The following SNX22 variants were observed in gnomAD, a reference collection of about 807,000 sequenced individuals.
The protein encoded by SNX22 is sorting nexin-22.
A neutral mutation model predicts 24.7 loss-of-function variants in SNX22; 23 were observed. The observed-to-expected ratio is 0.93, with a 90% confidence interval of 0.67 to 1.32. The LOEUF (loss-of-function observed/expected upper bound fraction) is 1.32, where lower values mean the gene tolerates loss of function less well. SNX22 is among the 40% of genes most tolerant of loss of function. SNX22 has a pLI of 0.00. For missense variants in SNX22, 261 were observed against 249.9 expected (o/e 1.04, Z -0.30); for synonymous variants, 99 against 104.0 (o/e 0.95, Z 0.29).
intron 2 of SNX22, 66 bp from the exon 3 acceptor site, chr15:64,152,572 C>A: frequency 6.7e-7 from 1 of 1,490,470 alleles, no homozygotes; most frequent in South Asian, 1.2e-5. Context: ...GGGCTTCTGG[C>A]TGGGGCGAAG....
chr15:64,152,356 C>A, intron 2 of SNX22, 30 bp downstream of exon 2: 1 of 1,493,120 alleles, frequency 6.7e-7, no homozygotes, highest in Non-Finnish European at 8.9e-7. Flanking sequence ...CCACCGGCCC[C>A]GGCCCAGCCT....
Position 64,154,507 on chromosome 15 carries a change from G to A in SNX22, c.581G>A (p.Ter194=). 4 of 1,614,128 alleles carry A rather than the reference G, an allele frequency of 2.5e-6. No individual in the cohort carries two copies. Among genetic ancestry groups the A allele is most frequent in the Non-Finnish European group, 3.4e-6 (4 of 1,180,020 alleles). The change falls in exon 7 of 7, where the codon TGA becomes TAA. Residue 194 remains the stop codon, a stop_retained_variant. Coordinates refer to ENST00000325881, the MANE Select transcript of SNX22 (RefSeq NM_024798.3). The stretch of plus-strand genomic sequence containing the variant: ...CCTGCTCCTCTGCCACCGATGCCCT[G>A]ATCAGTCCAGAGGCCTTTGGCTGCC... ...CHPAPLPPMP[*]
At chr15:64,153,603 C>T (rs1270585254) in intron 4 of SNX22, 49 bp from the exon 5 acceptor site, 15 of 1,612,588 alleles carry the variant, frequency 9.3e-6, no homozygotes, top group South Asian at 7.7e-5. Context: ...CCCTTCCTCA[C>T]GCTCCCCCGG....
chr15:64,154,124 C>G (rs149808143), intron 6 of SNX22, 122 bp downstream of exon 6: 9 of 1,604,860 alleles, frequency 5.6e-6, no homozygotes, highest in African/African-American at 2.7e-5. Flanking sequence ...CTACCTCCTG[C>G]TCCTGTCCCC....
Position 64,155,864 on chromosome 15 carries a change from T to G in SNX22, c.*1356T>G. ...ATTTTTTTTTATTGGTCAGTGTTGG[T>G]AGGAGTTTGTTACAAAAGTGAGTCC... On this transcript the variant is annotated 3_prime_UTR_variant, in exon 7 of 7. Coordinates refer to ENST00000325881, the MANE Select transcript of SNX22 (RefSeq NM_024798.3). 1.9e-6 allele frequency: 2 copies of G among 1,042,952 alleles called. No homozygotes were observed. Among genetic ancestry groups the G allele is most frequent in the Non-Finnish European group, 1.5e-6 (1 of 686,258 alleles). 64.6% of individuals were successfully genotyped at this position (1,042,952 alleles called of 1,614,324 possible).
In SNX22 at chr15:64,155,571, A is replaced by G. The variant is rs2081522733; in HGVS notation, c.*1063A>G. ...GTAGGCTATGAAAAAGTACAGATAC[A>G]TCCCTTAACATAGACTGGAGGGTGG... On this transcript the variant is annotated 3_prime_UTR_variant, in exon 7 of 7. Transcript: ENST00000325881. 5.1e-6 allele frequency: 1 copy of G among 194,642 alleles called. No individual in the cohort carries two copies. The highest frequency in any genetic ancestry group is 1.1e-5 in the Non-Finnish European group (1 of 93,614). 12.1% of individuals were successfully genotyped at this position (194,642 alleles called of 1,614,324 possible). A position where few individuals can be genotyped will look rare whatever the true frequency, so the allele number is the denominator to read the frequency against.
In SNX22 at chr15:64,154,764, G is replaced by A. The variant is rs978338886; in HGVS notation, c.*256G>A. ...TAATAAAAGAGGAAGTCAGCCAGGC[G>A]CGGTGGCTCATGCCTGTAATCCCAG... On this transcript the variant is annotated 3_prime_UTR_variant, in exon 7 of 7. Transcript: ENST00000325881. 2.8e-5 allele frequency: 10 copies of A among 363,486 alleles called. No homozygotes were observed. The highest frequency in any genetic ancestry group is 1.2e-4 in the Admixed American group (3 of 24,194). The allele number at this position is 363,486 out of a possible 1,614,324, so 22.5% of individuals were successfully genotyped here.
At chr15:64,152,134 C>T (rs2081490636) in intron 1 of SNX22, 109 bp from the exon 2 acceptor site, 5 of 1,134,612 alleles carry the variant, frequency 4.4e-6, no homozygotes, top group Non-Finnish European at 5.8e-6. Context: ...GCCGCAAGGC[C>T]GCTTTGTGCC....
At chr15:64,153,599 C>G in intron 4 of SNX22, 53 bp from the exon 5 acceptor site, 1 of 1,612,282 alleles carries the variant, frequency 6.2e-7, no homozygotes, top group Non-Finnish European at 8.5e-7. Context: ...CCACCCCTTC[C>G]TCACGCTCCC....
In SNX22 at chr15:64,152,751, G is replaced by C; in HGVS notation, c.264+9G>C. The stretch of plus-strand genomic sequence containing the variant: ...TGGAGGCTTACATCCAGGTATGCGA[G>C]AGCACAGTTGGTTGCCCCCCGGCCT... On this transcript the variant is annotated intron_variant, in intron 3 of 6. Transcript: ENST00000325881. 4 of 1,613,050 alleles carry C rather than the reference G, an allele frequency of 2.5e-6. No homozygotes were observed. Among genetic ancestry groups the C allele is most frequent in the Non-Finnish European group, 3.4e-6 (4 of 1,179,124 alleles).
At position 64,155,991 on chromosome 15, in the gene SNX22, G is replaced by C. The variant is rs1185135574; in HGVS notation, c.*1483G>C. 6.2e-7 allele frequency: 1 copy of C among 1,614,050 alleles called. No individual in the cohort carries two copies. On this transcript the variant is annotated 3_prime_UTR_variant, in exon 7 of 7. Coordinates refer to ENST00000325881, the MANE Select transcript of SNX22 (RefSeq NM_024798.3). ...TGTGGCGGACTACAGGGCCTGCACA[G>C]ACGGTCACTCAAAGAAAGATGTCCC... is the stretch of plus-strand genomic sequence containing the variant.
intron 4 of SNX22, 22 bp downstream of exon 4, chr15:64,153,361 G>A (rs1347971155): frequency 1.2e-6 from 2 of 1,613,048 alleles, no homozygotes; most frequent in Non-Finnish European, 1.7e-6. Context: ...CGATGGCGGG[G>A]GCCAGGGGCT....
chr15:64,152,987 T>C, intron 3 of SNX22: 1 of 607,698 alleles, frequency 1.6e-6, no homozygotes. Context: ...GTCCCCTCCA[T>C]GGTGAGGTCC....
In SNX22 at chr15:64,151,738, C is replaced by G. The variant is rs749915181; in HGVS notation, c.-38C>G. On this transcript the variant is annotated 5_prime_UTR_variant, in exon 1 of 7. Coordinates refer to ENST00000325881, the MANE Select transcript of SNX22 (RefSeq NM_024798.3). ...GTCCGCTCCGGGAGAGTTAGGGCTC[C>G]GAGCCGAGCGCGCGGAGCAGCTGGG... The G allele has an allele frequency of 2.0e-6, 3 of 1,522,166 alleles. No homozygotes were observed. The highest frequency in any genetic ancestry group is 2.6e-5 in the East Asian group (1 of 38,244). The allele number at this position is 1,522,166 out of a possible 1,614,324, so 94.3% of individuals were successfully genotyped here. A position where few individuals can be genotyped will look rare whatever the true frequency, so the allele number is the denominator to read the frequency against.
chr15:64,154,545 C>CA lies in SNX22; in HGVS notation c.*38dup. Reference sequence around the variant, plus strand: ...GCCTTTGGCTGCCTCCTAAGAAAGTCATGTGCCTCTGTCCTATGAACTCCA... The same window carrying CA: ...GCCTTTGGCTGCCTCCTAAGAAAGTCAATGTGCCTCTGTCCTATGAACTCCA... On this transcript the variant is annotated 3_prime_UTR_variant, in exon 7 of 7. Transcript: ENST00000325881. The CA allele has an allele frequency of 6.2e-7, 1 of 1,611,212 alleles. No homozygotes were observed. The highest frequency in any genetic ancestry group is 1.1e-5 in the South Asian group (1 of 90,890).
chr15:64,152,768 C>A (rs1484719485), intron 3 of SNX22, 26 bp downstream of exon 3: 5 of 1,605,170 alleles, frequency 3.1e-6, no homozygotes, highest in Non-Finnish European at 4.3e-6. Flanking sequence ...GTTGGTTGCC[C>A]CCCGGCCTTC....
chr15:64,152,815 G>T, intron 3 of SNX22, 73 bp downstream of exon 3: 1 of 1,370,596 alleles, frequency 7.3e-7, no homozygotes, highest in Non-Finnish European at 1.0e-6. Context: ...GAGGTGTGGG[G>T]GCATGGCAGG....
chr15:64,153,259 G>C lies in SNX22; in HGVS notation c.279G>C (p.Leu93=), dbSNP rs1165557777. 6.2e-7 allele frequency: 1 copy of C among 1,614,184 alleles called. No individual in the cohort carries two copies. The highest frequency in any genetic ancestry group is 1.1e-5 in the South Asian group (1 of 91,082). ...GTCCTCTCCAGGGCATCCTGTACCT[G>C]AACCAGGAGGTGCCCAAGGAGTTAC... ...LEAYIQGILY[L]NQEVPKELLE... The change falls in exon 4 of 7, where the codon CTG becomes CTC. Residue 93 remains leucine, a synonymous_variant. Coordinates refer to ENST00000325881, the MANE Select transcript of SNX22 (RefSeq NM_024798.3).
intron 1 of SNX22, 187 bp from the exon 2 acceptor site, chr15:64,152,056 C>G: frequency 2.6e-6 from 2 of 756,810 alleles, no homozygotes; most frequent in East Asian, 6.7e-5. Flanking sequence ...CCCAGGGCTC[C>G]GAGGGGCAGG....
Sources: allele counts gnomAD v4.1 joint callset, GRCh38; gene constraint gnomAD v4.1.1; transcripts MANE v1.5; gene names NCBI Gene and HGNC (gene_info 2026-07-23, HGNC 2026-07-21).